CACNA1C: variants seen among roughly 807,000 people sequenced by gnomAD.
The protein encoded by CACNA1C is calcium voltage-gated channel subunit alpha1 C.
Under a neutral mutation model 229.0 loss-of-function variants are expected in CACNA1C, and 30 were observed. The observed-to-expected ratio is 0.13, with a 90% confidence interval of 0.10 to 0.18. CACNA1C has a LOEUF of 0.18. CACNA1C is among the 10% of genes least tolerant of loss of function. The pLI is 1.00. For synonymous variants in CACNA1C, 1,114 were observed against 1,132.5 expected, an observed-to-expected ratio of 0.98 and a Z score of 0.33; for missense variants, 1,658 against 2,845.0, an observed-to-expected ratio of 0.58 and a Z score of 9.49.
rs138556130 is a variant in CACNA1C at position 2,043,043 on chromosome 12, C to G, written c.139+71842C>G. Among the ~76,000 whole-genome samples, 859 of 152,262 alleles carry G rather than the reference C, an allele frequency of 5.6e-3. 13 individuals are homozygous for G. Among genetic ancestry groups the G allele is most frequent in the South Asian group, 0.035 (170 of 4,820 alleles). ...AATCAGTTGCAATAGACACTGTCAC[C>G]CGTTTATCTGGAACAAATAGAACTA... On this transcript the variant is annotated intron_variant, in intron 1 of 46. Coordinates refer to the CACNA1C transcript ENST00000682462.
At position 2,612,145 on chromosome 12, in the gene CACNA1C, G is replaced by T. The variant is rs369965897; in HGVS notation, c.3828+132G>T. 57 of 640,270 alleles carry T rather than the reference G, an allele frequency of 8.9e-5. No individual in the cohort carries two copies. The East Asian group carries it at 1.2e-3, about 14-fold the overall frequency. 39.7% of individuals were successfully genotyped at this position (640,270 alleles called of 1,614,324 possible). A position where few individuals can be genotyped will look rare whatever the true frequency, so the allele number is the denominator to read the frequency against. The stretch of plus-strand genomic sequence containing the variant: ...ATCGGTGAAGGACCATCCCTGCTCC[G>T]ATGGTCAGTGCCCCAACTCCTACAC... On this transcript the variant is annotated intron_variant, in intron 29 of 46. Coordinates refer to ENST00000399655, the MANE Select transcript of CACNA1C (RefSeq NM_000719.7).
intron 9 of CACNA1C, 65 bp downstream of exon 9, chr12:2,513,049 A>G (rs2099788230): frequency 8.0e-6 from 11 of 1,370,906 alleles, no homozygotes; most frequent in Non-Finnish European, 1.1e-5. Flanking sequence ...CATCGGGGTC[A>G]GCACAGAACT....
At chr12:2,414,837 C>T (rs1376578174) in intron 3 of CACNA1C, among the ~76,000 whole-genome samples, 8 of 152,176 alleles carry the variant, frequency 5.3e-5, no homozygotes, top group Non-Finnish European at 7.3e-5. Context: ...AGGTGTCTGC[C>T]GGGGAGACCC....
At position 2,680,854 on chromosome 12, in the gene CACNA1C, C is replaced by T. The variant is rs1180505198; in HGVS notation, c.5444+1058C>T. ...CACCCAGAAGCAGCACTGGGGGCATCCTTCAATTCATGAGGCCTGCACTGC... is the reference window on the plus strand; with the variant it reads ...CACCCAGAAGCAGCACTGGGGGCATTCTTCAATTCATGAGGCCTGCACTGC... On this transcript the variant is annotated intron_variant, in intron 42 of 46. Coordinates refer to ENST00000399655, the MANE Select transcript of CACNA1C (RefSeq NM_000719.7). 3.3e-5 allele frequency among the ~76,000 whole-genome samples: 5 copies of T among 152,356 alleles called. No homozygotes were observed. The East Asian group carries it at 9.7e-4, about 29-fold the overall frequency.
intron 3 of CACNA1C, among the ~76,000 whole-genome samples, chr12:2,389,856 C>A (rs1428925056): frequency 5.3e-5 from 8 of 152,110 alleles, no homozygotes; most frequent in Non-Finnish European, 1.2e-4. Flanking sequence ...TCCCTCTGTC[C>A]CCTGGGCAAG....
At chr12:2,455,793 T>C (rs772650183) in intron 4 of CACNA1C, among the ~76,000 whole-genome samples, 1 of 152,186 alleles carries the variant, frequency 6.6e-6, no homozygotes, top group Non-Finnish European at 1.5e-5. Flanking sequence ...GCTCTCTTCA[T>C]GGGGCGCCGT....
chr12:2,013,862 T>G (rs1347618674), intron 1 of CACNA1C, among the ~76,000 whole-genome samples: 1 of 152,212 alleles, frequency 6.6e-6, no homozygotes, highest in Non-Finnish European at 1.5e-5. Context: ...AGAAACACTT[T>G]AAGTGTTTTG....
intron 3 of CACNA1C, among the ~76,000 whole-genome samples, chr12:2,159,568 A>G (rs2095734609): frequency 6.6e-6 from 1 of 150,980 alleles, no homozygotes; most frequent in East Asian, 1.9e-4. Context: ...ATAGCTGATT[A>G]TTGGTGTTTA....
At chr12:2,364,485 A>G (rs1406210909) in intron 3 of CACNA1C, among the ~76,000 whole-genome samples, 3 of 152,186 alleles carry the variant, frequency 2.0e-5, no homozygotes, top group Non-Finnish European at 4.4e-5. Flanking sequence ...ACAAAGAGAG[A>G]GGAACTTAAG....
intron 1 of CACNA1C, among the ~76,000 whole-genome samples, chr12:2,060,715 A>G (rs1485648267): frequency 6.6e-6 from 1 of 152,164 alleles, no homozygotes; most frequent in Non-Finnish European, 1.5e-5. Context: ...CAAGCTGCCA[A>G]TTTGCCAACA....
intron 5 of CACNA1C, among the ~76,000 whole-genome samples, chr12:2,480,511 G>A (rs1597589017): frequency 6.6e-6 from 1 of 152,338 alleles, no homozygotes; most frequent in East Asian, 1.9e-4. Flanking sequence ...TGCAGGGCTT[G>A]TAGTCACCAC....
In CACNA1C at chr12:2,697,730, C is replaced by T. The variant is rs1409367692; in HGVS notation, c.*6531C>T. The T allele has an allele frequency of 6.6e-6, 1 of 152,350 alleles. No individual in the cohort carries two copies. The highest frequency in any genetic ancestry group is 1.5e-5 in the Non-Finnish European group (1 of 68,038). 9.4% of individuals were successfully genotyped at this position (152,350 alleles called of 1,614,324 possible). A position where few individuals can be genotyped will look rare whatever the true frequency, so the allele number is the denominator to read the frequency against. ...ACAGTTTGTAATCCTCAAATAATCC[C>T]ATTGTCAGAGGCCTCGCCTGATGGG... On this transcript the variant is annotated 3_prime_UTR_variant, in exon 47 of 47. Transcript: ENST00000399655.
At chr12:2,356,472 C>T (rs2097366651) in intron 3 of CACNA1C, among the ~76,000 whole-genome samples, 1 of 152,230 alleles carries the variant, frequency 6.6e-6, no homozygotes. Context: ...AAGATGCTCC[C>T]ATCTGAACTG....
chr12:2,362,859 C>T (rs2097595518), intron 3 of CACNA1C, among the ~76,000 whole-genome samples: 1 of 152,196 alleles, frequency 6.6e-6, no homozygotes, highest in African/African-American at 2.4e-5. Flanking sequence ...ATCAGGACAG[C>T]TGTGCCAGGC....
chr12:2,558,955 T>A (rs543914264), intron 11 of CACNA1C, among the ~76,000 whole-genome samples: 19 of 152,134 alleles, frequency 1.2e-4, no homozygotes, highest in East Asian at 1.2e-3. Flanking sequence ...AAAAAAAAAA[T>A]TTCTCTCTCT....
At chr12:2,183,282 C>T (rs1396504612) in intron 3 of CACNA1C, among the ~76,000 whole-genome samples, 1 of 152,200 alleles carries the variant, frequency 6.6e-6, no homozygotes, top group African/African-American at 2.4e-5. Context: ...TTCTTCCCTT[C>T]CTGACCTTGT....
chr12:2,036,715 C>T (rs1435632592), intron 1 of CACNA1C, among the ~76,000 whole-genome samples: 3 of 152,110 alleles, frequency 2.0e-5, no homozygotes, highest in Non-Finnish European at 2.9e-5. Context: ...CTGCCCTCTT[C>T]GGCCTCCCAA....
chr12:2,593,439 G>A (rs1379838448), intron 19 of CACNA1C, 94 bp downstream of exon 19: 83 of 1,346,916 alleles, frequency 6.2e-5, no homozygotes, highest in South Asian at 4.6e-4. Flanking sequence ...GATGGAGACT[G>A]AGACTCTCCC....
chr12:2,570,985 G>T (rs2054068866), intron 13 of CACNA1C, among the ~76,000 whole-genome samples: 1 of 152,242 alleles, frequency 6.6e-6, no homozygotes, highest in South Asian at 2.1e-4. Flanking sequence ...GAAAGTGGTA[G>T]AAATCCTTAT....
Sources: allele counts gnomAD v4.1 joint callset (sites outside exome capture counted in the v4.1 genomes callset), GRCh38; gene constraint gnomAD v4.1.1; transcripts MANE v1.5; gene names NCBI Gene and HGNC (gene_info 2026-07-23, HGNC 2026-07-21).